CSMD3: variants seen among roughly 807,000 people sequenced by gnomAD.
CSMD3 encodes CUB and sushi domain-containing protein 3.
A neutral mutation model predicts 435.2 loss-of-function variants in CSMD3; 177 were observed. The ratio of observed to expected loss-of-function variants is 0.41; its 90% CI spans 0.36 to 0.46. The LOEUF is 0.46. Ranked by LOEUF, CSMD3 falls within the 20% of genes least tolerant of loss-of-function variation. The pLI is 0.34. For missense variants in CSMD3, 4,265 were observed against 4,504.6 expected, an observed-to-expected ratio of 0.95 and a Z score of 1.52; for synonymous variants, 1,656 against 1,520.5, an observed-to-expected ratio of 1.09 and a Z score of -2.07.
chr8:112,866,404 G>T (rs1365289123), intron 10 of CSMD3, among the ~76,000 whole-genome samples: 1 of 152,072 alleles, frequency 6.6e-6, no homozygotes, highest in Non-Finnish European at 1.5e-5. Flanking sequence ...GCTTTCCCAA[G>T]AGATGCAATG....
chr8:113,328,735 CTTTTTTTTTTTTTTT>C (rs71281211), intron 1 of CSMD3, among the ~76,000 whole-genome samples: 1 of 57,198 alleles, frequency 1.7e-5, no homozygotes, highest in African/African-American at 8.4e-5. Flanking sequence ...TCCTTCTTTT[CTTTTTTTTTTTTTTT>C]TTTTTTTTTG....
chr8:112,543,855 A>C (rs1050602132), intron 27 of CSMD3, among the ~76,000 whole-genome samples: 1 of 152,162 alleles, frequency 6.6e-6, no homozygotes, highest in African/African-American at 2.4e-5. Flanking sequence ...GATTAAGAAA[A>C]TATGGGAAAG....
chr8:112,986,261 G>A (rs955767895), intron 6 of CSMD3, among the ~76,000 whole-genome samples: 13 of 152,024 alleles, frequency 8.6e-5, no homozygotes, highest in Non-Finnish European at 5.9e-5. Context: ...ATTCAACTGG[G>A]CATTCTGTAT....
At chr8:112,929,611 T>C (rs1031022204) in intron 9 of CSMD3, among the ~76,000 whole-genome samples, 3 of 152,084 alleles carry the variant, frequency 2.0e-5, no homozygotes, top group Non-Finnish European at 4.4e-5. Context: ...TCTTCAATTC[T>C]ACATAAGCAC....
intron 70 of CSMD3, among the ~76,000 whole-genome samples, chr8:112,225,931 T>A (rs1328831741): frequency 1.3e-5 from 2 of 152,160 alleles, no homozygotes; most frequent in African/African-American, 4.8e-5. Flanking sequence ...TATAACTTGC[T>A]CACATTTGTA....
chr8:112,266,130 T>A (rs754263423), intron 59 of CSMD3, among the ~76,000 whole-genome samples: 1 of 152,146 alleles, frequency 6.6e-6, no homozygotes, highest in Non-Finnish European at 1.5e-5. Context: ...CCTTGACCAA[T>A]ACATGATGAT....
At chr8:112,269,287 T>C (rs1193165977) in intron 59 of CSMD3, among the ~76,000 whole-genome samples, 1 of 152,146 alleles carries the variant, frequency 6.6e-6, no homozygotes, top group Non-Finnish European at 1.5e-5. Flanking sequence ...GTGACAAAAA[T>C]TCAGTCAGGG....
At chr8:112,291,200 T>A (rs1254160123) in intron 56 of CSMD3, among the ~76,000 whole-genome samples, 2 of 151,900 alleles carry the variant, frequency 1.3e-5, no homozygotes, top group African/African-American at 4.8e-5. Context: ...TAGTACAGAA[T>A]AAAAGTGTAG....
At chr8:113,179,152 A>T (rs1274639363) in intron 3 of CSMD3, among the ~76,000 whole-genome samples, 1 of 151,846 alleles carries the variant, frequency 6.6e-6, no homozygotes, top group Non-Finnish European at 1.5e-5. Flanking sequence ...AAAATGATGT[A>T]TGCATATTAT....
intron 24 of CSMD3, among the ~76,000 whole-genome samples, chr8:112,564,376 C>T (rs1586693281): frequency 6.7e-6 from 1 of 150,220 alleles, no homozygotes; most frequent in South Asian, 2.1e-4. Context: ...CTCCCTTCCC[C>T]TCCCCTTCCC....
chr8:113,160,822 C>T (rs2092025196), intron 4 of CSMD3, among the ~76,000 whole-genome samples: 1 of 152,034 alleles, frequency 6.6e-6, no homozygotes, highest in South Asian at 2.1e-4. Flanking sequence ...TAATAACATT[C>T]TTTGGTCTCT....
intron 13 of CSMD3, among the ~76,000 whole-genome samples, chr8:112,724,193 T>C (rs2076918833): frequency 6.6e-6 from 1 of 151,634 alleles, no homozygotes; most frequent in South Asian, 2.1e-4. Context: ...TTGAGATAAG[T>C]CATGAAAAAG....
At chr8:112,663,074 G>A (rs1469302640) in intron 17 of CSMD3, among the ~76,000 whole-genome samples, 2 of 152,082 alleles carry the variant, frequency 1.3e-5, no homozygotes, top group Admixed American at 6.5e-5. Context: ...TACACTGTTG[G>A]TGGCGACTCC....
chr8:113,254,636 T>C (rs559715403), intron 3 of CSMD3, among the ~76,000 whole-genome samples: 9 of 152,290 alleles, frequency 5.9e-5, no homozygotes, highest in African/African-American at 1.9e-4. Flanking sequence ...GATTTAGGTC[T>C]TACAATATTA....
chr8:112,484,508 C>T (rs748874944), intron 31 of CSMD3, among the ~76,000 whole-genome samples: 8 of 152,002 alleles, frequency 5.3e-5, no homozygotes, highest in Non-Finnish European at 8.8e-5. Context: ...CACACACACA[C>T]ACACACATAT....
intron 12 of CSMD3, among the ~76,000 whole-genome samples, chr8:112,809,827 C>T (rs2079178050): frequency 6.6e-6 from 1 of 152,146 alleles, no homozygotes; most frequent in Admixed American, 6.5e-5. Context: ...TTCTCTACCC[C>T]TTTGGATGTA....
At chr8:112,991,702 C>G (rs1475227682) in intron 6 of CSMD3, among the ~76,000 whole-genome samples, 1 of 151,680 alleles carries the variant, frequency 6.6e-6, no homozygotes, top group Non-Finnish European at 1.5e-5. Flanking sequence ...GTGTAGAAAA[C>G]AAAAGATGAG....
chr8:112,996,862 A>C (rs941338980), intron 6 of CSMD3, among the ~76,000 whole-genome samples: 39 of 151,628 alleles, frequency 2.6e-4, no homozygotes, highest in African/African-American at 9.4e-4. Flanking sequence ...TCAAGAGAAA[A>C]ATAGTATAAT....
chr8:112,976,122 A>C lies in CSMD3; in HGVS notation c.1057T>G (p.Ser353Ala). The C allele has an allele frequency of 6.2e-7, 1 of 1,614,002 alleles. No individual in the cohort carries two copies. Among genetic ancestry groups the C allele is most frequent in the Non-Finnish European group, 8.5e-7 (1 of 1,179,890 alleles). ...QGSSTLTHTTSTGELEEHNRT... is the reference protein window; with the variant it reads ...QGSSTLTHTTATGELEEHNRT... ...TTATGCTCCTCTAACTCACCAGTGG[A>C]GGTAGTGTGGGTCAATGTAGAAGAA... The change falls in exon 7 of 71, where the codon TCC (serine) becomes GCC (alanine). Residue 353 changes from serine to alanine, a missense_variant. Transcript: ENST00000297405.
Sources: gnomAD v4.1 joint callset for allele counts (sites outside exome capture counted in the v4.1 genomes callset) on GRCh38, gnomAD v4.1.1 for gene constraint, MANE v1.5 for transcripts, NCBI Gene and HGNC (gene_info 2026-07-23, HGNC 2026-07-21) for gene names.